The following PLCG2 variants were observed in gnomAD, a reference collection of about 807,000 sequenced individuals.
PLCG2 encodes phospholipase C gamma 2, also known as 1-phosphatidylinositol 4,5-bisphosphate phosphodiesterase gamma-2.
PLCG2 carries 69 observed loss-of-function variants against 175.6 expected under a neutral mutation model. The observed-to-expected ratio is 0.39, with a 90% CI of 0.32 to 0.48. The LOEUF is 0.48. Ranked by LOEUF, PLCG2 falls within the 20% of genes least tolerant of loss-of-function variation. The pLI is 0.91. For missense variants in PLCG2, 1,798 were observed against 1,650.9 expected (o/e 1.09, Z -1.54); for synonymous variants, 827 against 624.0 (o/e 1.33, Z -4.85).
intron 2 of PLCG2, among the ~76,000 whole-genome samples, chr16:81,799,450 G>T (rs1343320867): frequency 6.6e-6 from 1 of 151,722 alleles, no homozygotes; most frequent in African/African-American, 2.4e-5. Context: ...TTTGAGGCAG[G>T]GTCTTGCTCT....
chr16:81,926,889 A>T (rs1339180911), intron 22 of PLCG2, among the ~76,000 whole-genome samples, 193 bp from the exon 23 acceptor site: 1 of 152,232 alleles, frequency 6.6e-6, no homozygotes, highest in Non-Finnish European at 1.5e-5. Context: ...CCAGTAACTC[A>T]TTAGTAATTA....
intron 10 of PLCG2, among the ~76,000 whole-genome samples, chr16:81,890,615 C>A (rs922467153): frequency 6.6e-6 from 1 of 152,128 alleles, no homozygotes; most frequent in African/African-American, 2.4e-5. Context: ...TGTCTGGGTG[C>A]TTGCTGGTCA....
chr16:81,745,077 G>A (rs1216178546), intron 1 of PLCG2, among the ~76,000 whole-genome samples: 1 of 152,212 alleles, frequency 6.6e-6, no homozygotes, highest in African/African-American at 2.4e-5. Flanking sequence ...AATATAAGAT[G>A]ATTAAGTGCT....
intron 1 of PLCG2, among the ~76,000 whole-genome samples, chr16:81,752,315 CG>C (rs1371713331): frequency 6.6e-6 from 1 of 152,116 alleles, no homozygotes; most frequent in Non-Finnish European, 1.5e-5. Context: ...AAGAAGCACC[CG>C]GCCAGCTCTG....
In PLCG2 at chr16:81,957,977, C is replaced by G. The variant is rs1911642986; in HGVS notation, c.3777C>G (p.Ser1259Arg). Residue 1259 changes from serine to arginine, a missense_variant, in exon 33 of 33, where the codon AGC becomes AGG. Physicochemically the swap from Ser to Arg is moderately radical, Grantham distance 110. Coordinates refer to ENST00000564138, the MANE Select transcript of PLCG2 (RefSeq NM_002661.5). The stretch of plus-strand genomic sequence containing the variant: ...TCAGGTTAAGAGAGAAGAGAGTCAG[C>G]AACAGCAAGTTTTACTCATAGAAGC... ...CNKRLREKRV[S>R]NSKFYS The G allele has an allele frequency of 6.2e-7, 1 of 1,613,342 alleles. No individual in the cohort carries two copies. The highest frequency in any genetic ancestry group is 1.3e-5 in the African/African-American group (1 of 74,906).
At chr16:81,755,925 C>A (rs1484679410) in exon 2 of PLCG2, 1 of 152,344 alleles carries the variant, frequency 6.6e-6, no homozygotes, top group African/African-American at 2.4e-5. Context: ...GAACATTCCA[C>A]GAAGTCCATC....
In PLCG2 at chr16:81,919,634, G is replaced by A; in HGVS notation, c.2205G>A (p.Val735=). 1.2e-6 allele frequency: 2 copies of A among 1,614,056 alleles called. No individual in the cohort carries two copies. Among genetic ancestry groups the A allele is most frequent in the Non-Finnish European group, 1.7e-6 (2 of 1,179,960 alleles). ...LYRKMRLRYP[V]TPELLERYNM... is the part of the protein sequence containing the mutation. ...GAAAGATGAGACTGCGCTACCCCGT[G>A]ACCCCCGAGCTCCTGGAGCGCTACA... Residue 735 remains valine, a synonymous_variant, in exon 20 of 33, where the codon GTG becomes GTA. Transcript: ENST00000564138.
intron 24 of PLCG2, among the ~76,000 whole-genome samples, chr16:81,929,858 T>C (rs932365728): frequency 2.0e-5 from 3 of 152,274 alleles, no homozygotes; most frequent in Non-Finnish European, 4.4e-5. Flanking sequence ...GCAGGATCCC[T>C]GCATCCACTT....
intron 22 of PLCG2, among the ~76,000 whole-genome samples, chr16:81,924,686 T>A (rs1793217175): frequency 6.6e-6 from 1 of 152,244 alleles, no homozygotes; most frequent in African/African-American, 2.4e-5. Context: ...AGAACCTCAT[T>A]GCAAACCAAT....
chr16:81,924,643 C>T (rs529698225), intron 22 of PLCG2, among the ~76,000 whole-genome samples: 4 of 152,190 alleles, frequency 2.6e-5, no homozygotes, highest in Admixed American at 1.3e-4. Flanking sequence ...ATGCCTTAAT[C>T]CAGGGATTAT....
chr16:81,739,492 A>T (rs1191456371), intron 1 of PLCG2: 2 of 152,166 alleles, frequency 1.3e-5, no homozygotes, highest in Non-Finnish European at 2.9e-5. Flanking sequence ...TTTTCCAGAC[A>T]GAGGGCACTG....
rs372245323 is a variant in PLCG2 at position 81,912,727 on chromosome 16, G to A, written c.2054+11G>A. ...TGCCATCACCTTCAGGTGGGTGCGAGGGTGGGAGGCACATGCTCTACAGAG... is the reference window on the plus strand; with the variant it reads ...TGCCATCACCTTCAGGTGGGTGCGAAGGTGGGAGGCACATGCTCTACAGAG... On this transcript the variant is annotated intron_variant, in intron 19 of 32. Coordinates refer to ENST00000564138, the MANE Select transcript of PLCG2 (RefSeq NM_002661.5). The A allele has an allele frequency of 4.4e-6, 7 of 1,589,100 alleles. No individual in the cohort carries two copies. The highest frequency in any genetic ancestry group is 6.0e-6 in the Non-Finnish European group (7 of 1,168,184).
chr16:81,831,987 C>T (rs1464034840), intron 2 of PLCG2, among the ~76,000 whole-genome samples: 1 of 152,208 alleles, frequency 6.6e-6, no homozygotes, highest in African/African-American at 2.4e-5. Flanking sequence ...CTGACTTCTG[C>T]AGGCTGCTGT....
intron 2 of PLCG2, among the ~76,000 whole-genome samples, chr16:81,847,456 C>A (rs913634123): frequency 1.3e-5 from 2 of 151,944 alleles, no homozygotes; most frequent in Admixed American, 1.3e-4. Flanking sequence ...AAGTTCCAAC[C>A]CTCTAATCAC....
intron 5 of PLCG2, among the ~76,000 whole-genome samples, chr16:81,868,151 C>T (rs1460085995): frequency 6.6e-6 from 1 of 152,184 alleles, no homozygotes; most frequent in Non-Finnish European, 1.5e-5. Flanking sequence ...CCATGTGACA[C>T]CCCACCCTTG....
intron 2 of PLCG2, among the ~76,000 whole-genome samples, chr16:81,765,445 A>G (rs1291210433): frequency 6.6e-6 from 1 of 152,272 alleles, no homozygotes; most frequent in Non-Finnish European, 1.5e-5. Context: ...AGCCTGGGCT[A>G]CATGATGAAA....
rs772813097 is a variant in PLCG2 at position 81,921,186 on chromosome 16, T to G, written c.2236-12T>G. ...TGGATTATTCCATTTCTTTCTTTCT[T>G]TTTTTTTCCAGGAAAGAGATATAAA... On this transcript the variant is annotated splice_polypyrimidine_tract_variant and intron_variant, in intron 20 of 32. Transcript: ENST00000564138. The G allele has an allele frequency of 6.5e-7, 1 of 1,536,372 alleles. No homozygotes were observed. Among genetic ancestry groups the G allele is most frequent in the Non-Finnish European group, 9.0e-7 (1 of 1,108,980 alleles).
chr16:81,849,627 C>G (rs183661269), intron 2 of PLCG2, among the ~76,000 whole-genome samples: 19 of 152,108 alleles, frequency 1.2e-4, no homozygotes, highest in Non-Finnish European at 2.8e-4. Context: ...ACAAATTTTC[C>G]AGGTCTGGTG....
intron 13 of PLCG2, among the ~76,000 whole-genome samples, chr16:81,899,510 G>C (rs1909050444): frequency 6.6e-6 from 1 of 152,198 alleles, no homozygotes; most frequent in Non-Finnish European, 1.5e-5. Flanking sequence ...TGTGGGAAAT[G>C]AGACTCATGC....
Sources: gnomAD v4.1 joint callset for allele counts (sites outside exome capture counted in the v4.1 genomes callset) on GRCh38, gnomAD v4.1.1 for gene constraint, MANE v1.5 for transcripts, NCBI Gene and HGNC (gene_info 2026-07-23, HGNC 2026-07-21) for gene names.